Variants in ARHGAP26 observed in about 807,000 individuals in gnomAD.
ARHGAP26 encodes the protein rho GTPase-activating protein 26.
In ARHGAP26, 38 loss-of-function variants were observed where a neutral mutation model predicts 104.8. The observed-to-expected ratio is 0.36, with a 90% CI of 0.28 to 0.48. The LOEUF is 0.48. Among genes scored for constraint, ARHGAP26 ranks in the 20% least tolerant of loss-of-function variants. The pLI is 0.99. For missense variants in ARHGAP26, 704 were observed against 947.9 expected (o/e 0.74, Z 3.38); for synonymous variants, 341 against 340.0 (o/e 1.00, Z -0.03).
intron 1 of ARHGAP26, among the ~76,000 whole-genome samples, chr5:142,862,340 T>G (rs1373670119): frequency 6.6e-6 from 1 of 152,232 alleles, no homozygotes; most frequent in Non-Finnish European, 1.5e-5. Context: ...TCAGAAAACC[T>G]TGTAACAGAA....
At chr5:142,776,403 T>C (rs1368035782) in intron 1 of ARHGAP26, among the ~76,000 whole-genome samples, 3 of 152,236 alleles carry the variant, frequency 2.0e-5, no homozygotes, top group African/African-American at 7.2e-5. Flanking sequence ...GGCACTGCAT[T>C]TTTGCCTGAA....
At chr5:142,954,963 T>A (rs1012188269) in intron 11 of ARHGAP26, among the ~76,000 whole-genome samples, 3 of 152,182 alleles carry the variant, frequency 2.0e-5, no homozygotes, top group Non-Finnish European at 4.4e-5. Context: ...AAACATCTCA[T>A]TAAAGATAAA....
intron 10 of ARHGAP26, among the ~76,000 whole-genome samples, chr5:142,914,550 A>G (rs774663291): frequency 5.3e-5 from 8 of 152,222 alleles, no homozygotes; most frequent in Non-Finnish European, 1.2e-4. Flanking sequence ...TAAGTGCTCA[A>G]CAAGTATTAG....
At chr5:143,171,588 T>C (rs1348980102) in intron 20 of ARHGAP26, among the ~76,000 whole-genome samples, 1 of 152,188 alleles carries the variant, frequency 6.6e-6, no homozygotes, top group Non-Finnish European at 1.5e-5. Flanking sequence ...AGCCAACTCT[T>C]TAAACTTTAA....
chr5:143,056,016 C>A lies in ARHGAP26; in HGVS notation c.1374-12C>A. ...ATTATTAAGCTGACTAGCCTATCTC[C>A]TTTTCCTCCAGAATGCTTCCAGGAC... On this transcript the variant is annotated splice_polypyrimidine_tract_variant and intron_variant, in intron 15 of 22. Coordinates refer to ENST00000645722, the MANE Select transcript of ARHGAP26 (RefSeq NM_001135608.3). The A allele has an allele frequency of 6.2e-7, 1 of 1,609,182 alleles. No homozygotes were observed. Among genetic ancestry groups the A allele is most frequent in the Non-Finnish European group, 8.5e-7 (1 of 1,176,548 alleles).
chr5:143,176,613 G>T (rs910095446), intron 20 of ARHGAP26, among the ~76,000 whole-genome samples: 2 of 152,146 alleles, frequency 1.3e-5, no homozygotes, highest in African/African-American at 4.8e-5. Flanking sequence ...CTTCGCCCCA[G>T]GGTAGCTTAG....
chr5:143,213,956 G>T (rs1562624671), intron 21 of ARHGAP26, 41 bp from the exon 22 acceptor site: 2 of 1,345,506 alleles, frequency 1.5e-6, no homozygotes, highest in Admixed American at 1.9e-5. Context: ...CTTTCTAAGG[G>T]TTTTTTCAAA....
chr5:142,803,716 C>A (rs1459919587), intron 1 of ARHGAP26, among the ~76,000 whole-genome samples: 1 of 152,178 alleles, frequency 6.6e-6, no homozygotes, highest in Non-Finnish European at 1.5e-5. Flanking sequence ...CAGGCAGGGA[C>A]TCTGGTGGCA....
At chr5:143,186,930 TA>T (rs1805236541) in intron 20 of ARHGAP26, among the ~76,000 whole-genome samples, 1 of 152,200 alleles carries the variant, frequency 6.6e-6, no homozygotes, top group African/African-American at 2.4e-5. Context: ...CCTTAGGATT[TA>T]GAGATGGTAC....
At chr5:143,186,758 G>C (rs950271877) in intron 20 of ARHGAP26, among the ~76,000 whole-genome samples, 3 of 152,170 alleles carry the variant, frequency 2.0e-5, no homozygotes, top group African/African-American at 7.2e-5. Flanking sequence ...TTTTCCATTG[G>C]GGAGCTTTGC....
intron 3 of ARHGAP26, among the ~76,000 whole-genome samples, chr5:142,877,276 C>T (rs183227645): frequency 8.8e-4 from 134 of 152,302 alleles, no homozygotes; most frequent in African/African-American, 2.9e-3. Context: ...CAAGCAAAGC[C>T]GCACCTTCTC....
At chr5:142,832,223 C>T (rs1443832900) in intron 1 of ARHGAP26, among the ~76,000 whole-genome samples, 1 of 152,182 alleles carries the variant, frequency 6.6e-6, no homozygotes, top group Non-Finnish European at 1.5e-5. Flanking sequence ...GTGTCCCCTG[C>T]CAAAATTTGT....
chr5:142,886,347 T>A (rs1757700341), intron 5 of ARHGAP26, among the ~76,000 whole-genome samples: 1 of 152,192 alleles, frequency 6.6e-6, no homozygotes, highest in African/African-American at 2.4e-5. Flanking sequence ...ACTCAGGAGA[T>A]GGTGGAGTTC....
intron 17 of ARHGAP26, among the ~76,000 whole-genome samples, chr5:143,100,736 A>T (rs920414676): frequency 6.6e-6 from 1 of 152,204 alleles, no homozygotes; most frequent in African/African-American, 2.4e-5. Flanking sequence ...CTTGATTTTC[A>T]TAAGGTGCTC....
At chr5:143,075,732 T>C (rs1204663301) in intron 17 of ARHGAP26, among the ~76,000 whole-genome samples, 1 of 152,244 alleles carries the variant, frequency 6.6e-6, no homozygotes, top group East Asian at 1.9e-4. Flanking sequence ...AAGGCCTTGC[T>C]CTGTCACCCA....
At chr5:142,923,427 A>C (rs962694282) in intron 10 of ARHGAP26, among the ~76,000 whole-genome samples, 6 of 152,236 alleles carry the variant, frequency 3.9e-5, no homozygotes, top group African/African-American at 1.4e-4. Context: ...TGAAAAAAAA[A>C]TACATGAAAC....
chr5:143,158,156 G>C (rs917093659), intron 20 of ARHGAP26, among the ~76,000 whole-genome samples: 8 of 152,044 alleles, frequency 5.3e-5, no homozygotes, highest in African/African-American at 1.9e-4. Flanking sequence ...CCCTAGTGTT[G>C]ATTTCTTTCC....
chr5:143,122,773 T>G (rs1356111624), intron 18 of ARHGAP26, among the ~76,000 whole-genome samples: 1 of 152,172 alleles, frequency 6.6e-6, no homozygotes, highest in African/African-American at 2.4e-5. Flanking sequence ...CTGTTATCTC[T>G]CCCCTCATTT....
intron 11 of ARHGAP26, among the ~76,000 whole-genome samples, chr5:142,966,220 G>A (rs1316090153): frequency 6.6e-6 from 1 of 152,206 alleles, no homozygotes; most frequent in Non-Finnish European, 1.5e-5. Context: ...TACTGTAGGA[G>A]AGGGCATGCA....
Sources: allele counts gnomAD v4.1 joint callset (sites outside exome capture counted in the v4.1 genomes callset), GRCh38; gene constraint gnomAD v4.1.1; transcripts MANE v1.5; gene names NCBI Gene and HGNC (gene_info 2026-07-23, HGNC 2026-07-21).